Variants in UGT1A3 observed in about 807,000 individuals in gnomAD.
UGT1A3 encodes UDP glucuronosyltransferase family 1 member A3.
In UGT1A3, 31 loss-of-function variants were observed where a neutral mutation model predicts 41.0. That is an observed-to-expected ratio of 0.76 (90% CI 0.57 to 1.02). The LOEUF is 1.02. Ranked by LOEUF, UGT1A3 falls within the 50% of genes least tolerant of loss-of-function variation. The probability of loss-of-function intolerance (pLI) is 0.00; values close to 1 mark genes in which losing one functional copy is unlikely to be tolerated. For synonymous variants in UGT1A3, 262 were observed against 257.6 expected (o/e 1.02, Z -0.17); for missense variants, 737 against 671.0 (o/e 1.10, Z -1.09).
intron 2 of UGT1A3, 41 bp downstream of exon 2, chr2:233,767,206 A>G: frequency 1.9e-6 from 3 of 1,613,184 alleles, no homozygotes; most frequent in Non-Finnish European, 2.5e-6. Context: ...CTATTTTCAC[A>G]GGAGCGCTAA....
At chr2:233,765,155 C>T (rs1463454696) in intron 1 of UGT1A3, among the ~76,000 whole-genome samples, 1 of 152,176 alleles carries the variant, frequency 6.6e-6, no homozygotes, top group East Asian at 1.9e-4. Flanking sequence ...TCCTAGGGAA[C>T]CCCTCAGTTT....
At chr2:233,731,273 A>G (rs1323685253) in intron 1 of UGT1A3, among the ~76,000 whole-genome samples, 1 of 147,192 alleles carries the variant, frequency 6.8e-6, no homozygotes. Flanking sequence ...TTGCCCTTCC[A>G]GTTTTTCTTT....
chr2:233,748,205 G>A, intron 1 of UGT1A3: 1 of 1,514,056 alleles, frequency 6.6e-7, no homozygotes. Context: ...TGTCGTAATA[G>A]CCTTCAGTGA....
intron 1 of UGT1A3, chr2:233,755,272 T>C (rs1695839667): frequency 2.6e-6 from 2 of 758,302 alleles, no homozygotes. Context: ...TCCACTATGC[T>C]GGACTGCCAA....
intron 1 of UGT1A3, among the ~76,000 whole-genome samples, chr2:233,738,366 T>C (rs1389802664): frequency 6.6e-6 from 1 of 152,176 alleles, no homozygotes; most frequent in African/African-American, 2.4e-5. Context: ...GGTACTGCTA[T>C]AAAACTACTT....
chr2:233,758,800 G>A (rs970637590), intron 1 of UGT1A3, among the ~76,000 whole-genome samples: 4 of 152,152 alleles, frequency 2.6e-5, no homozygotes, highest in African/African-American at 9.7e-5. Flanking sequence ...TCTTGGAATT[G>A]TATAGTACAG....
At chr2:233,760,175 C>T (rs2125979710) in intron 1 of UGT1A3, 1 of 1,540,768 alleles carries the variant, frequency 6.5e-7, no homozygotes, top group Non-Finnish European at 8.7e-7. Flanking sequence ...GGACTGACAG[C>T]TTTTTATAGT....
chr2:233,733,436 G>T (rs2078397447), intron 1 of UGT1A3, among the ~76,000 whole-genome samples: 1 of 152,134 alleles, frequency 6.6e-6, no homozygotes, highest in African/African-American at 2.4e-5. Flanking sequence ...TATGATATTG[G>T]CTGCGGGTTT....
rs1700524185 is a variant in UGT1A3, at chr2:233,772,466, C to A, written c.1512C>A (p.Ala504=). 6.2e-6 allele frequency: 10 copies of A among 1,614,148 alleles called. No individual in the cohort carries two copies. The highest frequency in any genetic ancestry group is 8.5e-6 in the Non-Finnish European group (10 of 1,180,034). The change falls in exon 5 of 5, where the codon GCC becomes GCA. Residue 504 remains alanine, a synonymous_variant. Coordinates refer to ENST00000482026, the MANE Select transcript of UGT1A3 (RefSeq NM_019093.4). ...GFLLAVVLTV[A]FITFKCCAYG... ...TCTTGGCCGTCGTGCTGACAGTGGCCTTCATCACCTTTAAATGTTGTGCTT... is the reference window on the plus strand; with the variant it reads ...TCTTGGCCGTCGTGCTGACAGTGGCATTCATCACCTTTAAATGTTGTGCTT...
In UGT1A3 at chr2:233,769,736, T is replaced by C. The variant is rs1415322181; in HGVS notation, c.1307+1297T>C. 6.9e-6 allele frequency: 10 copies of C among 1,453,324 alleles called. No individual in the cohort carries two copies. Among genetic ancestry groups the C allele is most frequent in the Non-Finnish European group, 9.1e-6 (10 of 1,101,886 alleles). The allele number at this position is 1,453,324 out of a possible 1,614,324, so 90.0% of individuals were successfully genotyped here. A position where few individuals can be genotyped will look rare whatever the true frequency, so the allele number is the denominator to read the frequency against. The stretch of plus-strand genomic sequence containing the variant: ...TAGGCACCATGGCACACGCCTGTAG[T>C]CCCAGCCACTCTGGAGGCTAAGGCG... On this transcript the variant is annotated intron_variant, in intron 4 of 4. Coordinates refer to ENST00000482026, the MANE Select transcript of UGT1A3 (RefSeq NM_019093.4). The surrounding 1 kb of genome is among the most constrained non-coding windows in gnomAD (Gnocchi z 4.4).
intron 1 of UGT1A3, among the ~76,000 whole-genome samples, chr2:233,761,510 A>C (rs1161669580): frequency 6.6e-6 from 1 of 152,248 alleles, no homozygotes. Flanking sequence ...TCAGTCAGGC[A>C]GGCAATGTTC....
chr2:233,754,858 C>T lies in UGT1A3; in HGVS notation c.868-12176C>T, dbSNP rs759970086. 1.3e-5 allele frequency: 18 copies of T among 1,350,050 alleles called. No individual in the cohort carries two copies. In the African/African-American group the frequency reaches 2.1e-4, roughly 16 times the overall value. The allele number at this position is 1,350,050 out of a possible 1,614,324, so 83.6% of individuals were successfully genotyped here. ...TCACTGAAGGCAGAGAAAAGGGGTG[C>T]AGACCCTCTGCTTCTGCTTCCCAGG... On this transcript the variant is annotated intron_variant, in intron 1 of 4. Coordinates refer to ENST00000482026, the MANE Select transcript of UGT1A3 (RefSeq NM_019093.4).
Position 233,773,250 on chromosome 2 carries a change from T to C in UGT1A3, c.*691T>C, listed in dbSNP as rs967229603. 2.0e-5 allele frequency: 3 copies of C among 152,350 alleles called. No homozygotes were observed. Among genetic ancestry groups the C allele is most frequent in the Admixed American group, 6.5e-5 (1 of 15,274 alleles). The allele number at this position is 152,350 out of a possible 1,614,324, so 9.4% of individuals were successfully genotyped here. A position where few individuals can be genotyped will look rare whatever the true frequency, so the allele number is the denominator to read the frequency against. Reference sequence around the variant, plus strand: ...AAGTGCTGGGCAAGTTTACTTTTTTTCTGATGTTTCCTACAACTAAAAATA... The same window carrying C: ...AAGTGCTGGGCAAGTTTACTTTTTTCCTGATGTTTCCTACAACTAAAAATA... On this transcript the variant is annotated 3_prime_UTR_variant, in exon 5 of 5. Coordinates refer to ENST00000482026, the MANE Select transcript of UGT1A3 (RefSeq NM_019093.4).
chr2:233,735,747 T>C (rs933103602), intron 1 of UGT1A3, among the ~76,000 whole-genome samples: 3 of 152,290 alleles, frequency 2.0e-5, no homozygotes, highest in African/African-American at 7.2e-5. Context: ...TATAAAGGAT[T>C]TTATTTCTCC....
At chr2:233,731,639 A>T (rs2078185645) in intron 1 of UGT1A3, among the ~76,000 whole-genome samples, 1 of 152,176 alleles carries the variant, frequency 6.6e-6, no homozygotes, top group Non-Finnish European at 1.5e-5. Flanking sequence ...GCTGCATAGT[A>T]TTCCATGGTG....
intron 1 of UGT1A3, among the ~76,000 whole-genome samples, chr2:233,746,990 A>G (rs971804174): frequency 6.6e-6 from 1 of 151,860 alleles, no homozygotes. Context: ...GCAGGGTCAG[A>G]TGAGTTTTTC....
chr2:233,772,485 T>A lies in UGT1A3; in HGVS notation c.1531T>A (p.Cys511Ser). The change falls in exon 5 of 5, where the codon TGT becomes AGT. Residue 511 changes from cysteine (C) to serine (S), a missense_variant. Physicochemically the swap from Cys to Ser is moderately radical, Grantham distance 112 (BLOSUM62 -1). Transcript: ENST00000482026. The stretch of plus-strand genomic sequence containing the variant: ...AGTGGCCTTCATCACCTTTAAATGT[T>A]GTGCTTATGGCTACCGGAAATGCTT... ...LTVAFITFKC[C>S]AYGYRKCLGK... 2 of 1,614,206 alleles carry A rather than the reference T, an allele frequency of 1.2e-6. No individual in the cohort carries two copies. The highest frequency in any genetic ancestry group is 1.7e-6 in the Non-Finnish European group (2 of 1,180,040).
At position 233,768,210 on chromosome 2, in the gene UGT1A3, T is replaced by G; in HGVS notation, c.1088-10T>G. 1 of 1,614,186 alleles carries G rather than the reference T, an allele frequency of 6.2e-7. No individual in the cohort carries two copies. The highest frequency in any genetic ancestry group is 1.1e-5 in the South Asian group (1 of 91,084). On this transcript the variant is annotated splice_polypyrimidine_tract_variant and intron_variant, in intron 3 of 4. Transcript: ENST00000482026. Reference sequence around the variant, plus strand: ...GTAACTGCTGACATCCTCCCTATTTTGCATCTCAGGTCACCCGATGACCCG... The same window carrying G: ...GTAACTGCTGACATCCTCCCTATTTGGCATCTCAGGTCACCCGATGACCCG...
At position 233,743,680 on chromosome 2, in the gene UGT1A3, G is replaced by C. The variant is rs555741522; in HGVS notation, c.867+13687G>C. 7 of 1,367,102 alleles carry C rather than the reference G, an allele frequency of 5.1e-6. No homozygotes were observed. The South Asian group carries it at 6.8e-5, about 13-fold the overall frequency. 84.7% of individuals were successfully genotyped at this position (1,367,102 alleles called of 1,614,324 possible). On this transcript the variant is annotated intron_variant, in intron 1 of 4. Coordinates refer to ENST00000482026, the MANE Select transcript of UGT1A3 (RefSeq NM_019093.4). The stretch of plus-strand genomic sequence containing the variant: ...CGAAGGGGTCCTCGAAGGGCCTGCC[G>C]CCTGTGCAGCCGCCCTCCGCCCCCG...
Sources: allele counts gnomAD v4.1 joint callset (sites outside exome capture counted in the v4.1 genomes callset), GRCh38; gene constraint gnomAD v4.1.1; non-coding constraint Gnocchi (gnomAD v3.1); transcripts MANE v1.5; gene names NCBI Gene and HGNC (gene_info 2026-07-23, HGNC 2026-07-21).